The following RERE variants were observed in gnomAD, a reference collection of about 807,000 sequenced individuals.
The protein encoded by RERE is arginine-glutamic acid dipeptide repeats protein.
A neutral mutation model predicts 146.1 loss-of-function variants in RERE; 40 were observed. The ratio of observed to expected loss-of-function variants is 0.27; its 90% CI spans 0.21 to 0.36. The LOEUF is 0.36. Among genes scored for constraint, RERE ranks in the 10% least tolerant of loss-of-function variants. The probability of loss-of-function intolerance (pLI) is 1.00; values close to 1 mark genes in which losing one functional copy is unlikely to be tolerated. For synonymous variants in RERE, 1,003 were observed against 866.0 expected, an observed-to-expected ratio of 1.16 and a Z score of -2.78; for missense variants, 1,933 against 2,138.7, an observed-to-expected ratio of 0.90 and a Z score of 1.90.
At chr1:8,787,997 C>A (rs966811900) in intron 1 of RERE, among the ~76,000 whole-genome samples, 1 of 151,970 alleles carries the variant, frequency 6.6e-6, no homozygotes, top group East Asian at 1.9e-4. Context: ...ACTTCGGAAG[C>A]TGGGGTGGGA....
At chr1:8,599,223 T>A (rs2100888) in intron 4 of RERE, among the ~76,000 whole-genome samples, 94,593 of 151,980 alleles carry the variant, frequency 0.62, 29,834 homozygotes, top group East Asian at 0.83. Flanking sequence ...CTGTTTTTCT[T>A]TTTCAATCGA....
intron 12 of RERE, among the ~76,000 whole-genome samples, chr1:8,401,575 CAG>C (rs1482003662): frequency 1.3e-5 from 2 of 152,082 alleles, no homozygotes; most frequent in East Asian, 3.9e-4. Context: ...GCCTGGGCAA[CAG>C]AGAGAGCCCT....
At chr1:8,451,991 G>GA (rs1264014644) in intron 11 of RERE, among the ~76,000 whole-genome samples, 1 of 152,160 alleles carries the variant, frequency 6.6e-6, no homozygotes, top group Non-Finnish European at 1.5e-5. Flanking sequence ...GGAAGGCTCT[G>GA]AATTAGCTAC....
intron 12 of RERE, among the ~76,000 whole-genome samples, chr1:8,421,246 T>C (rs140366156): frequency 4.6e-5 from 7 of 152,350 alleles, no homozygotes; most frequent in Non-Finnish European, 8.8e-5. Flanking sequence ...ATCTCTTTTT[T>C]ACTCAGCCAA....
intron 15 of RERE, 85 bp from the exon 16 acceptor site, chr1:8,362,929 TGAAGGCA>T: frequency 6.8e-7 from 1 of 1,462,818 alleles, no homozygotes; most frequent in Middle Eastern, 2.5e-4. Flanking sequence ...GGCAGAAGCC[TGAAGGCA>T]CACCCTATCA....
At chr1:8,443,459 G>GAA (rs144499944) in intron 11 of RERE, among the ~76,000 whole-genome samples, 2,528 of 112,710 alleles carry the variant, frequency 0.022, 60 homozygotes, top group African/African-American at 0.056. Flanking sequence ...CTCAAAAAAA[G>GAA]AAAAAAAAAA....
intron 1 of RERE, among the ~76,000 whole-genome samples, chr1:8,780,054 T>C (rs964953281): frequency 1.3e-5 from 2 of 152,092 alleles, no homozygotes; most frequent in African/African-American, 2.4e-5. Flanking sequence ...TAGTCAGGCA[T>C]GGTGTTGTGC....
chr1:8,475,293 A>G (rs1378654703), intron 10 of RERE, among the ~76,000 whole-genome samples: 1 of 151,134 alleles, frequency 6.6e-6, no homozygotes, highest in Non-Finnish European at 1.5e-5. Context: ...AGAATCGCTT[A>G]AACCTGGGAG....
intron 10 of RERE, among the ~76,000 whole-genome samples, chr1:8,488,805 G>A (rs1644938261): frequency 6.6e-6 from 1 of 152,150 alleles, no homozygotes; most frequent in Non-Finnish European, 1.5e-5. Context: ...AGTCAAATGA[G>A]AAAAGTTTTT....
rs749071713 is a variant in RERE, at chr1:8,361,046, A to AGGGATGCGGCGG, written c.2449_2460dup (p.Pro817_Pro820dup). 1,834 of 1,424,210 alleles carry AGGGATGCGGCGG rather than the reference A, an allele frequency of 1.3e-3. 23 individuals are homozygous for AGGGATGCGGCGG. The highest frequency in any genetic ancestry group is 4.1e-3 in the Middle Eastern group (21 of 5,178). 88.2% of individuals were successfully genotyped at this position (1,424,210 alleles called of 1,614,324 possible). On this transcript the variant is annotated inframe_insertion, in exon 18 of 23. Coordinates refer to ENST00000400908, the MANE Select transcript of RERE (RefSeq NM_001042681.2). ...AGAGGCTGCAGCGGGGGATGTGGCG[A>AGGGATGCGGCGG]GGGATGCGGCGGGGGATGCGGTGAG...
chr1:8,816,147 G>A (rs1470874792), intron 1 of RERE, among the ~76,000 whole-genome samples: 2 of 152,120 alleles, frequency 1.3e-5, no homozygotes, highest in East Asian at 3.8e-4. Flanking sequence ...AAGCAATTAT[G>A]AAAACTGTTT....
chr1:8,624,989 A>C (rs1646957658), intron 2 of RERE, among the ~76,000 whole-genome samples: 1 of 152,344 alleles, frequency 6.6e-6, no homozygotes, highest in African/African-American at 2.4e-5. Flanking sequence ...CAATGCCACT[A>C]ATCAGAGATG....
At chr1:8,585,321 G>GT (rs2124079105) in intron 4 of RERE, among the ~76,000 whole-genome samples, 1 of 152,188 alleles carries the variant, frequency 6.6e-6, no homozygotes, top group African/African-American at 2.4e-5. Flanking sequence ...AGTATAAATT[G>GT]TAAGACATCA....
In RERE at chr1:8,668,924, C is replaced by CTGTGTGTGTGTGTGTGTGTGTGTGTG. The variant is rs58718828; in HGVS notation, c.-144-12509_-144-12484dup. Among the ~76,000 whole-genome samples the CTGTGTGTGTGTGTGTGTGTGTGTGTG allele has an allele frequency of 1.4e-4, 12 of 83,506 alleles. 2 individuals carry two copies. Among genetic ancestry groups the CTGTGTGTGTGTGTGTGTGTGTGTGTG allele is most frequent in the Admixed American group, 2.5e-4 (2 of 7,936 alleles). 54.8% of individuals were successfully genotyped at this position (83,506 alleles called of 152,430 possible). A position where few individuals can be genotyped will look rare whatever the true frequency, so the allele number is the denominator to read the frequency against. On this transcript the variant is annotated intron_variant, in intron 1 of 22. Coordinates refer to ENST00000400908, the MANE Select transcript of RERE (RefSeq NM_001042681.2). ...TGAATATTCTAAAATGCACTAAACT[C>CTGTGTGTGTGTGTGTGTGTGTGTGTG]TGTGTGTGTGTGTGTGTGTGTGTGT...
chr1:8,687,241 G>A (rs531033256), intron 1 of RERE, among the ~76,000 whole-genome samples: 1 of 152,112 alleles, frequency 6.6e-6, no homozygotes, highest in East Asian at 1.9e-4. Flanking sequence ...TGGCGCCTCA[G>A]AGAGTTCCCT....
intron 4 of RERE, among the ~76,000 whole-genome samples, chr1:8,577,497 C>G (rs1425513098): frequency 6.6e-6 from 1 of 152,120 alleles, no homozygotes; most frequent in Admixed American, 6.5e-5. Flanking sequence ...GTCTGGTGAC[C>G]AATCTTTTAC....
At chr1:8,574,340 CTTTT>C (rs35921166) in intron 4 of RERE, among the ~76,000 whole-genome samples, 1 of 87,218 alleles carries the variant, frequency 1.1e-5, no homozygotes, top group East Asian at 3.8e-4. Flanking sequence ...TATATATAGT[CTTTT>C]TTTTTTTTTT....
intron 2 of RERE, among the ~76,000 whole-genome samples, chr1:8,647,563 T>C (rs1647375661): frequency 6.6e-6 from 1 of 152,130 alleles, no homozygotes; most frequent in Non-Finnish European, 1.5e-5. Flanking sequence ...GTCACATCTA[T>C]TAATACCTAA....
rs564574812 is a variant in RERE, at chr1:8,605,745, CAAAAAAAAAAAAA to C, written c.522+8803_522+8815del. On this transcript the variant is annotated intron_variant, in intron 4 of 22. Transcript: ENST00000400908. ...GGGCAACAGAGCAAGACCCCATCTCCAAAAAAAAAAAAAAAAAAAAAAAAAACCCCTAAAAAAA... is the reference window on the plus strand; with the variant it reads ...GGGCAACAGAGCAAGACCCCATCTCCAAAAAAAAAAAAACCCCTAAAAAAA... 2.8e-4 allele frequency among the ~76,000 whole-genome samples: 18 copies of C among 64,536 alleles called. No homozygotes were observed. The South Asian group carries it at 7.0e-3, about 25-fold the overall frequency. The allele number at this position is 64,536 out of a possible 152,430, so 42.3% of individuals were successfully genotyped here. A position where few individuals can be genotyped will look rare whatever the true frequency, so the allele number is the denominator to read the frequency against.
Sources: gnomAD v4.1 joint callset for allele counts (sites outside exome capture counted in the v4.1 genomes callset) on GRCh38, gnomAD v4.1.1 for gene constraint, MANE v1.5 for transcripts, NCBI Gene and HGNC (gene_info 2026-07-23, HGNC 2026-07-21) for gene names.